OPRK1: variants seen among roughly 807,000 people sequenced by gnomAD.
OPRK1 encodes opioid receptor kappa 1.
In OPRK1, 15 loss-of-function variants were observed where a neutral mutation model predicts 24.5. The observed-to-expected ratio is 0.61, with a 90% CI of 0.41 to 0.94. OPRK1 has a LOEUF of 0.94. Among genes scored for constraint, OPRK1 ranks in the 40% least tolerant of loss-of-function variants. OPRK1 has a pLI of 0.00. For synonymous variants in OPRK1, 205 were observed against 198.0 expected, an observed-to-expected ratio of 1.04 and a Z score of -0.30; for missense variants, 479 against 507.3, an observed-to-expected ratio of 0.94 and a Z score of 0.54.
At position 53,250,804 on chromosome 8, in the gene OPRK1, C is replaced by G; in HGVS notation, c.234G>C (p.Ser78=). 1 of 1,609,984 alleles carries G rather than the reference C, an allele frequency of 6.2e-7. No individual in the cohort carries two copies. The highest frequency in any genetic ancestry group is 8.5e-7 in the Non-Finnish European group (1 of 1,178,120). Residue 78 remains serine (S), a synonymous_variant, in exon 2 of 4, where the codon TCG becomes TCC. Coordinates refer to ENST00000265572, the MANE Select transcript of OPRK1 (RefSeq NM_000912.5). ...ACCGGATGATCACGAACATGACCAG[C>G]GAGTTGCCCACCAAGCCCACGACGA... ...VVFVVGLVGN[S]LVMFVIIRYT...
At chr8:53,237,041 T>C (rs1807012443) in intron 2 of OPRK1, among the ~76,000 whole-genome samples, 1 of 152,186 alleles carries the variant, frequency 6.6e-6, no homozygotes, top group South Asian at 2.1e-4. Context: ...GAAACTATAA[T>C]ATTTATCTCA....
intron 2 of OPRK1, among the ~76,000 whole-genome samples, chr8:53,241,478 C>A (rs1162449608): frequency 4.0e-5 from 6 of 148,550 alleles, no homozygotes; most frequent in Non-Finnish European, 8.9e-5. Context: ...GCCTGGGCCA[C>A]AGAGAGAGAC....
At chr8:53,232,994 G>C (rs7832039) in intron 3 of OPRK1, among the ~76,000 whole-genome samples, 1 of 152,166 alleles carries the variant, frequency 6.6e-6, no homozygotes, top group South Asian at 2.1e-4. Context: ...TCTATTTGCT[G>C]TAGGCATGAA....
rs1293268565 is a variant in OPRK1, at chr8:53,226,916, C to G, written c.*2381G>C. 1 of 152,202 alleles carries G rather than the reference C, an allele frequency of 6.6e-6. No homozygotes were observed. Among genetic ancestry groups the G allele is most frequent in the African/African-American group, 2.4e-5 (1 of 41,444 alleles). The allele number at this position is 152,202 out of a possible 1,614,324, so 9.4% of individuals were successfully genotyped here. A position where few individuals can be genotyped will look rare whatever the true frequency, so the allele number is the denominator to read the frequency against. ...TATGAGGAGATGCAGGAAAATCAGG[C>G]AAACCAATAATGGCAATTAACGCTG... On this transcript the variant is annotated 3_prime_UTR_variant, in exon 4 of 4. Coordinates refer to ENST00000265572, the MANE Select transcript of OPRK1 (RefSeq NM_000912.5).
intron 3 of OPRK1, among the ~76,000 whole-genome samples, chr8:53,232,688 A>T (rs970400876): frequency 9.9e-5 from 15 of 152,212 alleles, no homozygotes; most frequent in Non-Finnish European, 1.9e-4. Flanking sequence ...ATATATTAAT[A>T]TCAGAGGGCT....
intron 2 of OPRK1, among the ~76,000 whole-genome samples, chr8:53,248,087 G>A (rs1807277300): frequency 6.6e-6 from 1 of 151,640 alleles, no homozygotes; most frequent in African/African-American, 2.4e-5. Context: ...TGAGTGAGGG[G>A]GCTGGAGCAC....
chr8:53,234,935 C>T lies in OPRK1; in HGVS notation c.434G>A (p.Ser145Asn), dbSNP rs2128808600. 6.2e-7 allele frequency: 1 copy of T among 1,614,176 alleles called. No homozygotes were observed. The highest frequency in any genetic ancestry group is 8.5e-7 in the Non-Finnish European group (1 of 1,180,024). Residue 145 changes from serine (S) to asparagine (N), a missense_variant, in exon 3 of 4, where the codon AGC (serine) becomes AAC (asparagine). By Grantham distance (46) the Ser-to-Asn change is conservative. Transcript: ENST00000265572. ...GCTCATCATGGTCAAGGTGAAGATG[C>T]TGGTGAACATGTTGTAGTAATCAAT... The part of the protein sequence containing the change: ...ISIDYYNMFT[S>N]IFTLTMMSVD...
rs1425628594 is a variant in OPRK1, at chr8:53,250,846, C to A, written c.192G>T (p.Ala64=). 8.2e-5 allele frequency: 132 copies of A among 1,613,520 alleles called. No homozygotes were observed. Among genetic ancestry groups the A allele is most frequent in the Non-Finnish European group, 1.1e-4 (131 of 1,179,752 alleles). Residue 64 remains alanine (A), a synonymous_variant, in exon 2 of 4, where the codon GCG becomes GCT. Transcript: ENST00000265572. ...ISPAIPVIIT[A]VYSVVFVVGL... The stretch of plus-strand genomic sequence containing the variant: ...CCACGACGAACACTACGGAGTAGAC[C>A]GCCGTGATGATGACCGGGATGGCCG...
chr8:53,245,415 T>C (rs1807206203), intron 2 of OPRK1, among the ~76,000 whole-genome samples: 1 of 152,174 alleles, frequency 6.6e-6, no homozygotes, highest in Non-Finnish European at 1.5e-5. Context: ...TGCAGACACC[T>C]TGATCTCAGG....
At chr8:53,230,530 T>G (rs372901256) in intron 3 of OPRK1, among the ~76,000 whole-genome samples, 1 of 152,230 alleles carries the variant, frequency 6.6e-6, no homozygotes. Flanking sequence ...ATTTTCATTT[T>G]TACCAACATT....
chr8:53,235,849 G>T (rs1806979582), intron 2 of OPRK1, among the ~76,000 whole-genome samples: 1 of 152,144 alleles, frequency 6.6e-6, no homozygotes, highest in African/African-American at 2.4e-5. Context: ...TTCAAGGTAG[G>T]TAAGAAAGAT....
chr8:53,231,302 A>T (rs1475315517), intron 3 of OPRK1, among the ~76,000 whole-genome samples: 1 of 152,224 alleles, frequency 6.6e-6, no homozygotes. Flanking sequence ...ATGAAAAAAA[A>T]ATCTGAGTTC....
chr8:53,232,967 G>A (rs1314373049), intron 3 of OPRK1, among the ~76,000 whole-genome samples: 7 of 152,184 alleles, frequency 4.6e-5, no homozygotes, highest in African/African-American at 1.7e-4. Context: ...CCTCAGAAAA[G>A]TTTCTTGCAC....
chr8:53,232,709 C>G (rs1806884944), intron 3 of OPRK1, among the ~76,000 whole-genome samples: 1 of 152,180 alleles, frequency 6.6e-6, no homozygotes, highest in South Asian at 2.1e-4. Context: ...GTGGCTTCTG[C>G]TGGCTCCTGT....
intron 2 of OPRK1, among the ~76,000 whole-genome samples, chr8:53,239,502 C>T (rs940884019): frequency 1.3e-5 from 2 of 152,170 alleles, no homozygotes; most frequent in African/African-American, 2.4e-5. Flanking sequence ...GCTGAGGAGT[C>T]ACAGGTGGCT....
At chr8:53,244,316 A>C (rs1807183219) in intron 2 of OPRK1, among the ~76,000 whole-genome samples, 1 of 152,228 alleles carries the variant, frequency 6.6e-6, no homozygotes, top group South Asian at 2.1e-4. Context: ...CAAGAAGAGG[A>C]GTATTTTTAG....
intron 3 of OPRK1, among the ~76,000 whole-genome samples, chr8:53,231,068 G>A (rs534298864): frequency 6.6e-6 from 1 of 152,130 alleles, no homozygotes; most frequent in East Asian, 1.9e-4. Flanking sequence ...CTATCTTAGA[G>A]ACCTTCATGT....
At chr8:53,234,203 A>AAAAAAAAAAAAAAAAAAAAAAAAAG (rs1806930667) in intron 3 of OPRK1, among the ~76,000 whole-genome samples, 1 of 150,692 alleles carries the variant, frequency 6.6e-6, no homozygotes, top group African/African-American at 2.4e-5. Context: ...AAAAAAAAAA[A>AAAAAAAAAAAAAAAAAAAAAAAAAG]TCAGTTGGCT....
intron 2 of OPRK1, among the ~76,000 whole-genome samples, chr8:53,241,504 C>T (rs531410532): frequency 1.3e-5 from 2 of 149,086 alleles, no homozygotes; most frequent in East Asian, 4.0e-4. Flanking sequence ...GTTTGTTTGT[C>T]TGCTTAAAAA....
Sources: allele counts gnomAD v4.1 joint callset (sites outside exome capture counted in the v4.1 genomes callset), GRCh38; gene constraint gnomAD v4.1.1; transcripts MANE v1.5; gene names NCBI Gene and HGNC (gene_info 2026-07-23, HGNC 2026-07-21).